CACNB2: variants seen among roughly 807,000 people sequenced by gnomAD.
The protein encoded by CACNB2 is voltage-dependent L-type calcium channel subunit beta-2.
CACNB2 carries 42 observed loss-of-function variants against 73.3 expected under a neutral mutation model. The observed-to-expected ratio is 0.57, with a 90% CI of 0.45 to 0.74. The LOEUF is 0.74. CACNB2 is among the 30% of genes least tolerant of loss of function. The pLI, the probability that CACNB2 is intolerant of heterozygous loss-of-function variation, is 0.00. For missense variants in CACNB2, 940 were observed against 853.0 expected (o/e 1.10, Z -1.27); for synonymous variants, 348 against 310.3 (o/e 1.12, Z -1.28).
chr10:18,477,935 T>G (rs890829799), intron 3 of CACNB2, among the ~76,000 whole-genome samples: 3 of 152,092 alleles, frequency 2.0e-5, no homozygotes, highest in Non-Finnish European at 4.4e-5. Flanking sequence ...TTCCAAGGTT[T>G]GTTTGTTCGT....
chr10:18,464,418 T>TTAAAAAAAAAAAAAAAAAAAAATA (rs1360690647), intron 3 of CACNB2, among the ~76,000 whole-genome samples: 1 of 85,298 alleles, frequency 1.2e-5, no homozygotes, highest in Non-Finnish European at 2.3e-5. Context: ...TCTCAAAAAT[T>TTAAAAAAAAAAAAAAAAAAAAATA]AAAAAAAAAA....
At chr10:18,199,418 G>A (rs2034775314) in intron 2 of CACNB2, among the ~76,000 whole-genome samples, 1 of 152,178 alleles carries the variant, frequency 6.6e-6, no homozygotes, top group South Asian at 2.1e-4. Flanking sequence ...GGTGACCAGA[G>A]AAGGCTTCTG....
intron 2 of CACNB2, among the ~76,000 whole-genome samples, chr10:18,168,490 T>C (rs1236841245): frequency 1.4e-5 from 2 of 143,338 alleles, no homozygotes; most frequent in Admixed American, 1.4e-4. Context: ...ACATCTTTCT[T>C]CCTTCTTTGT....
chr10:18,400,308 AG>A (rs1187166679), intron 2 of CACNB2, among the ~76,000 whole-genome samples: 1 of 152,214 alleles, frequency 6.6e-6, no homozygotes, highest in Non-Finnish European at 1.5e-5. Context: ...TTAGTGGAGC[AG>A]GTAATGGAAA....
At chr10:18,424,438 C>A (rs924581070) in intron 3 of CACNB2, among the ~76,000 whole-genome samples, 2 of 152,030 alleles carry the variant, frequency 1.3e-5, no homozygotes, top group Non-Finnish European at 2.9e-5. Context: ...GGTGTGGTAA[C>A]GCCTGGGTGT....
chr10:18,276,810 C>T (rs57880053), intron 2 of CACNB2, among the ~76,000 whole-genome samples: 4 of 151,926 alleles, frequency 2.6e-5, no homozygotes, highest in Admixed American at 2.0e-4. Context: ...AACTCCTGAC[C>T]TCAGACAGTC....
intron 2 of CACNB2, among the ~76,000 whole-genome samples, chr10:18,234,749 C>T (rs532747106): frequency 1.3e-5 from 2 of 152,084 alleles, no homozygotes; most frequent in East Asian, 3.9e-4. Flanking sequence ...TCCATGAGTA[C>T]GGAGTTCAGT....
At chr10:18,300,297 T>C (rs776821474) in intron 2 of CACNB2, among the ~76,000 whole-genome samples, 3 of 152,186 alleles carry the variant, frequency 2.0e-5, no homozygotes, top group Non-Finnish European at 4.4e-5. Flanking sequence ...GCTGGGATTA[T>C]AGGCGTGAGC....
intron 2 of CACNB2, among the ~76,000 whole-genome samples, chr10:18,289,589 C>T (rs1345624583): frequency 1.3e-5 from 2 of 151,786 alleles, no homozygotes; most frequent in East Asian, 1.9e-4. Flanking sequence ...CCACCGCGCC[C>T]GGCCAAAGTT....
chr10:18,384,524 G>C (rs566712354), intron 2 of CACNB2, among the ~76,000 whole-genome samples: 1 of 151,818 alleles, frequency 6.6e-6, no homozygotes, highest in Admixed American at 6.6e-5. Flanking sequence ...TCAGGACTTC[G>C]AGACTACCCT....
intron 3 of CACNB2, among the ~76,000 whole-genome samples, chr10:18,496,917 A>G (rs1347574597): frequency 6.6e-6 from 1 of 151,814 alleles, no homozygotes; most frequent in African/African-American, 2.4e-5. Context: ...TATATAAGAA[A>G]TACATAGAAG....
chr10:18,213,441 C>G (rs1539679), intron 2 of CACNB2, among the ~76,000 whole-genome samples: 2 of 152,100 alleles, frequency 1.3e-5, no homozygotes, highest in Admixed American at 1.3e-4. Context: ...TAGTGGCTTT[C>G]TCTTTGCTCT....
At chr10:18,143,199 A>G (rs991926155) in intron 1 of CACNB2, among the ~76,000 whole-genome samples, 3 of 152,210 alleles carry the variant, frequency 2.0e-5, no homozygotes, top group African/African-American at 4.8e-5. Context: ...AAGGAGTTCA[A>G]AAGAGGACCC....
At chr10:18,256,002 T>G (rs899576323) in intron 2 of CACNB2, among the ~76,000 whole-genome samples, 5 of 152,204 alleles carry the variant, frequency 3.3e-5, no homozygotes, top group African/African-American at 1.2e-4. Context: ...AAGTGAATAG[T>G]AAAGAAACAT....
chr10:18,380,458 T>TC (rs967948325), intron 2 of CACNB2, among the ~76,000 whole-genome samples: 3 of 144,466 alleles, frequency 2.1e-5, no homozygotes, highest in South Asian at 2.2e-4. Context: ...TTTTCTTTTT[T>TC]TTTTTTTTTT....
rs549980264 is a variant in CACNB2, at chr10:18,424,746, ACTG to A, written c.333+22706_333+22708del. On this transcript the variant is annotated intron_variant, in intron 3 of 13. Transcript: ENST00000324631. ...AGAATAATCAAGGTGTTCTTTTGAG[ACTG>A]CTTTTTTGGCTCAACATTAAATGTG... Among the ~76,000 whole-genome samples, 1,212 of 152,224 alleles carry A rather than the reference ACTG, an allele frequency of 8.0e-3. 15 individuals are homozygous for A. Among genetic ancestry groups the A allele is most frequent in the African/African-American group, 0.028 (1,160 of 41,540 alleles).
chr10:18,534,977 A>C (rs1189956436), intron 11 of CACNB2, among the ~76,000 whole-genome samples: 2 of 152,262 alleles, frequency 1.3e-5, no homozygotes, highest in African/African-American at 4.8e-5. Flanking sequence ...CTTTCAGACA[A>C]CAATCAGAAT....
chr10:18,270,381 C>T (rs2037998745), intron 2 of CACNB2, among the ~76,000 whole-genome samples: 3 of 152,138 alleles, frequency 2.0e-5, no homozygotes, highest in African/African-American at 7.2e-5. Context: ...ACTCTATCAG[C>T]AGCCTCCTAA....
chr10:18,320,648 C>T (rs561976288), intron 2 of CACNB2, among the ~76,000 whole-genome samples: 1 of 152,242 alleles, frequency 6.6e-6, no homozygotes, highest in South Asian at 2.1e-4. Flanking sequence ...GTCATCTCAT[C>T]TGTAGAATGG....
Sources: allele counts gnomAD v4.1 joint callset (sites outside exome capture counted in the v4.1 genomes callset), GRCh38; gene constraint gnomAD v4.1.1; transcripts MANE v1.5; gene names NCBI Gene and HGNC (gene_info 2026-07-23, HGNC 2026-07-21).